Variants in TMEM135 observed in about 807,000 individuals in gnomAD.
TMEM135 encodes transmembrane protein 135.
Under a neutral mutation model 60.3 loss-of-function variants are expected in TMEM135, and 30 were observed. The observed-to-expected ratio is 0.50, with a 90% CI of 0.37 to 0.68. The LOEUF is 0.68. Ranked by LOEUF, TMEM135 falls within the 30% of genes least tolerant of loss-of-function variation. The probability of loss-of-function intolerance (pLI) is 0.00; values close to 1 mark genes in which losing one functional copy is unlikely to be tolerated. For synonymous variants in TMEM135, 190 were observed against 186.7 expected (o/e 1.02, Z -0.14); for missense variants, 468 against 548.8 (o/e 0.85, Z 1.47).
chr11:87,305,954 G>C lies in TMEM135; in HGVS notation c.717G>C (p.Arg239Ser), dbSNP rs775536059. 1 of 1,603,768 alleles carries C rather than the reference G, an allele frequency of 6.2e-7. No individual in the cohort carries two copies. Among genetic ancestry groups the C allele is most frequent in the South Asian group, 1.1e-5 (1 of 89,098 alleles). Residue 239 changes from arginine (R) to serine (S), a missense_variant, in exon 9 of 15, where the codon AGG (arginine) becomes AGC (serine). By Grantham distance (110) the Arg-to-Ser change is moderately radical. Coordinates refer to ENST00000305494, the MANE Select transcript of TMEM135 (RefSeq NM_022918.4). ...ATTTCAGATGCAAACATGGACCAAG[G>C]CATAGATGTTGCAAACATTATGAAG... ...FVDSICKHGP[R>S]HRCCKHYEDN... is the part of the protein sequence containing the mutation.
chr11:87,058,042 A>G lies in TMEM135; in HGVS notation c.142-9652A>G, dbSNP rs1431872150. 2.0e-5 allele frequency among the ~76,000 whole-genome samples: 3 copies of G among 152,296 alleles called. No homozygotes were observed. In the South Asian group the frequency reaches 6.2e-4, roughly 32 times the overall value. ...GTTTCAGTCAGGTCTGAAGGCAGGA[A>G]AATACCAGTGTCCTAGCTCAAGAAA... On this transcript the variant is annotated intron_variant, in intron 1 of 14. Coordinates refer to ENST00000305494, the MANE Select transcript of TMEM135 (RefSeq NM_022918.4).
At chr11:87,248,049 A>T (rs1042267428) in intron 6 of TMEM135, among the ~76,000 whole-genome samples, 1 of 151,536 alleles carries the variant, frequency 6.6e-6, no homozygotes, top group East Asian at 1.9e-4. Flanking sequence ...AAAATAGCTG[A>T]ATAGCATTCC....
intron 4 of TMEM135, chr11:87,096,301 C>G: frequency 3.8e-6 from 1 of 264,506 alleles, no homozygotes; most frequent in Non-Finnish European, 7.5e-6. Flanking sequence ...ACTTGTTCAC[C>G]TTTTCTTAGG....
intron 9 of TMEM135, among the ~76,000 whole-genome samples, chr11:87,308,942 C>T (rs1176905975): frequency 6.6e-6 from 1 of 152,096 alleles, no homozygotes; most frequent in Non-Finnish European, 1.5e-5. Context: ...TTTAGCCCGA[C>T]AGGAATGAAA....
intron 9 of TMEM135, among the ~76,000 whole-genome samples, chr11:87,306,897 T>C (rs549978923): frequency 3.3e-5 from 5 of 152,072 alleles, no homozygotes; most frequent in African/African-American, 1.2e-4. Context: ...AATTTTTGTG[T>C]TTTAGTAGAG....
chr11:87,307,770 T>G (rs1437673852), intron 9 of TMEM135, among the ~76,000 whole-genome samples: 2 of 152,192 alleles, frequency 1.3e-5, no homozygotes, highest in East Asian at 3.8e-4. Context: ...ACCTCATTAT[T>G]TTACAAACTT....
chr11:87,190,411 A>G (rs1219949310), intron 5 of TMEM135, among the ~76,000 whole-genome samples: 5 of 152,172 alleles, frequency 3.3e-5, no homozygotes, highest in African/African-American at 1.2e-4. Context: ...GAATCAAGCA[A>G]ACTTTTTCTT....
intron 4 of TMEM135, among the ~76,000 whole-genome samples, chr11:87,120,742 A>C (rs1858034955): frequency 1.3e-5 from 2 of 152,138 alleles, no homozygotes; most frequent in South Asian, 4.1e-4. Context: ...CTGGGATTAC[A>C]AACGGGAATT....
chr11:87,318,372 G>GT (rs151135088), intron 13 of TMEM135, 137 bp downstream of exon 13: 7,421 of 644,520 alleles, frequency 0.012, 99 homozygotes, highest in African/African-American at 0.066. Context: ...GTTTTGTTTT[G>GT]TTTTTTTTTC....
intron 3 of TMEM135, among the ~76,000 whole-genome samples, chr11:87,078,651 G>C (rs1856922069): frequency 6.6e-6 from 1 of 151,830 alleles, no homozygotes; most frequent in African/African-American, 2.4e-5. Context: ...GTCTTGCTCT[G>C]TCGCTGAGGC....
chr11:87,229,067 C>A (rs1940830658), intron 5 of TMEM135, among the ~76,000 whole-genome samples: 1 of 152,056 alleles, frequency 6.6e-6, no homozygotes, highest in African/African-American at 2.4e-5. Flanking sequence ...AGAGAAAACA[C>A]TATTTTCCAG....
chr11:87,251,598 T>C (rs987621307), intron 6 of TMEM135, among the ~76,000 whole-genome samples: 23 of 83,238 alleles, frequency 2.8e-4, no homozygotes, highest in Non-Finnish European at 5.9e-4. Flanking sequence ...TTATATATTA[T>C]GATTATGTTA....
chr11:87,248,058 C>G (rs3018293), intron 6 of TMEM135, among the ~76,000 whole-genome samples: 99,558 of 151,026 alleles, frequency 0.66, 33,380 homozygotes, highest in Non-Finnish European at 0.71. Context: ...GAATAGCATT[C>G]CATCGTGAGT....
At chr11:87,178,431 A>C in intron 5 of TMEM135, 1 of 456,098 alleles carries the variant, frequency 2.2e-6, no homozygotes, top group Non-Finnish European at 4.4e-6. Flanking sequence ...TCCTTTCCTT[A>C]ACATAATGCG....
At chr11:87,184,477 C>T (rs1158656586) in intron 5 of TMEM135, among the ~76,000 whole-genome samples, 1 of 151,994 alleles carries the variant, frequency 6.6e-6, no homozygotes, top group Non-Finnish European at 1.5e-5. Flanking sequence ...TACTTTAGGT[C>T]TTTAAAAACA....
chr11:87,147,595 C>T (rs1294503871), intron 4 of TMEM135, among the ~76,000 whole-genome samples: 4 of 152,166 alleles, frequency 2.6e-5, no homozygotes, highest in Non-Finnish European at 5.9e-5. Context: ...GAGATTACTG[C>T]TGTTATCACC....
At position 87,157,426 on chromosome 11, in the gene TMEM135, A is replaced by G. The variant is rs369961903; in HGVS notation, c.462+20A>G. 1.3e-5 allele frequency: 20 copies of G among 1,598,192 alleles called. No individual in the cohort carries two copies. Among genetic ancestry groups the G allele is most frequent in the Non-Finnish European group, 1.7e-5 (20 of 1,165,966 alleles). ...GGAGAAGTAAGATGAGAATTTTGAT[A>G]TAGTTATTAGTTGTTAATTTATAGT... On this transcript the variant is annotated intron_variant, in intron 5 of 14. Coordinates refer to ENST00000305494, the MANE Select transcript of TMEM135 (RefSeq NM_022918.4).
At chr11:87,189,775 A>T (rs190262088) in intron 5 of TMEM135, among the ~76,000 whole-genome samples, 5,242 of 150,796 alleles carry the variant, frequency 0.035, 274 homozygotes, top group African/African-American at 0.11. Context: ...AAAAAAAAAA[A>T]TTGACCGGGC....
chr11:87,074,329 C>T (rs974040418), intron 3 of TMEM135, among the ~76,000 whole-genome samples: 2 of 152,090 alleles, frequency 1.3e-5, no homozygotes, highest in African/African-American at 4.8e-5. Flanking sequence ...CAGTGCCTGA[C>T]ACATAGTAAG....
Sources: gnomAD v4.1 joint callset for allele counts (sites outside exome capture counted in the v4.1 genomes callset) on GRCh38, gnomAD v4.1.1 for gene constraint, MANE v1.5 for transcripts, NCBI Gene and HGNC (gene_info 2026-07-23, HGNC 2026-07-21) for gene names.